HIVEP3: variants seen among roughly 807,000 people sequenced by gnomAD.
The protein encoded by HIVEP3 is HIVEP zinc finger 3.
HIVEP3 carries 49 observed loss-of-function variants against 152.8 expected under a neutral mutation model. The observed-to-expected ratio is 0.32, with a 90% CI of 0.26 to 0.41. The LOEUF is 0.41. HIVEP3 is among the 10% of genes least tolerant of loss of function. The probability of loss-of-function intolerance (pLI) is 1.00; values close to 1 mark genes in which losing one functional copy is unlikely to be tolerated. For synonymous variants in HIVEP3, 1,269 were observed against 1,289.0 expected, an observed-to-expected ratio of 0.98 and a Z score of 0.33; for missense variants, 2,790 against 3,103.3, an observed-to-expected ratio of 0.90 and a Z score of 2.40.
At chr1:41,922,630 T>C (rs1315892217), upstream of HIVEP3, among the ~76,000 whole-genome samples, 1 of 152,194 alleles carries the variant, frequency 6.6e-6, no homozygotes, top group Non-Finnish European at 1.5e-5. Context: ...TAAAATTTAA[T>C]TGTTAGAAGT....
At chr1:41,628,233 T>C (rs1645145136) in intron 3 of HIVEP3, among the ~76,000 whole-genome samples, 1 of 152,128 alleles carries the variant, frequency 6.6e-6, no homozygotes, top group Non-Finnish European at 1.5e-5. Flanking sequence ...TCTTCACAAC[T>C]TGGGGGCAGG....
intron 1 of HIVEP3, among the ~76,000 whole-genome samples, chr1:41,771,871 T>C (rs1471525505): frequency 2.0e-5 from 3 of 152,120 alleles, no homozygotes; most frequent in Non-Finnish European, 4.4e-5. Flanking sequence ...TTCACCGTGT[T>C]AGCCAGGCTG....
Position 41,513,551 on chromosome 1 carries a change from C to T in HIVEP3, c.5670G>A (p.Leu1890=). The T allele has an allele frequency of 6.2e-7, 1 of 1,610,650 alleles. No homozygotes were observed. The change falls in exon 8 of 9, where the codon CTG becomes CTA. Residue 1890 remains leucine (L), a synonymous_variant. Coordinates refer to ENST00000372583, the MANE Select transcript of HIVEP3 (RefSeq NM_024503.5). ...CCAGGATGGGTGAGGAGTCTGCCCG[C>T]AGTGCATGTGGTGGGCCAGGCGGGG... ...EAPPPGPPHA[L]RADSSPILGP...
intron 1 of HIVEP3, among the ~76,000 whole-genome samples, chr1:41,964,073 C>A (rs1645184138): frequency 6.6e-6 from 1 of 152,170 alleles, no homozygotes; most frequent in Non-Finnish European, 1.5e-5. Flanking sequence ...AAGGTTTCTG[C>A]AAATGTAGTT....
chr1:41,730,773 C>A (rs1367153643), intron 1 of HIVEP3, among the ~76,000 whole-genome samples: 4 of 152,200 alleles, frequency 2.6e-5, no homozygotes, highest in Non-Finnish European at 5.9e-5. Flanking sequence ...GCAGCATGGG[C>A]AGGAAGCCAG....
rs539074209 is a variant in HIVEP3, at chr1:41,528,286, C to T, written c.5208-3376G>A. Among the ~76,000 whole-genome samples the T allele has an allele frequency of 3.1e-4, 40 of 130,966 alleles. 1 individual carries two copies. The highest frequency in any genetic ancestry group is 1.1e-3 in the African/African-American group (39 of 34,356). The allele number at this position is 130,966 out of a possible 152,430, so 85.9% of individuals were successfully genotyped here. On this transcript the variant is annotated intron_variant, in intron 5 of 8. Transcript: ENST00000372583. ...CACCCTCACACACCCTCACATACAC[C>T]CCCACACTCACCCTCACACTCACCT...
At chr1:41,942,740 G>A (rs1645052026) in intron 1 of HIVEP3, among the ~76,000 whole-genome samples, 1 of 152,030 alleles carries the variant, frequency 6.6e-6, no homozygotes, top group Non-Finnish European at 1.5e-5. Context: ...ATAAAACTGA[G>A]AATTATATGA....
At chr1:41,969,354 A>C (rs1645216510) in intron 1 of HIVEP3, among the ~76,000 whole-genome samples, 1 of 152,226 alleles carries the variant, frequency 6.6e-6, no homozygotes, top group Non-Finnish European at 1.5e-5. Context: ...ACTGGTACAA[A>C]ATAGACACAT....
intron 1 of HIVEP3, among the ~76,000 whole-genome samples, chr1:41,977,705 T>A (rs1645268199): frequency 6.6e-6 from 1 of 152,334 alleles, no homozygotes; most frequent in Non-Finnish European, 1.5e-5. Context: ...GAGGACCAGA[T>A]GCTGTGAGAC....
At position 41,678,538 on chromosome 1, in the gene HIVEP3, T is replaced by G. The variant is rs1645991595; in HGVS notation, c.-721+22378A>C. Among the ~76,000 whole-genome samples, 5 of 151,398 alleles carry G rather than the reference T, an allele frequency of 3.3e-5. 1 individual carries two copies. Among genetic ancestry groups the G allele is most frequent in the Admixed American group, 3.3e-4 (5 of 15,238 alleles). ...CCCAGGGGTGGCCTCCGGCTCGCGC[T>G]CCTCTCCACCCACACACCTCTTCCC... On this transcript the variant is annotated intron_variant, in intron 2 of 8. Coordinates refer to ENST00000372583, the MANE Select transcript of HIVEP3 (RefSeq NM_024503.5).
chr1:41,919,049 A>G (rs548739525), upstream of HIVEP3, among the ~76,000 whole-genome samples: 2 of 152,342 alleles, frequency 1.3e-5, no homozygotes, highest in South Asian at 2.1e-4. Context: ...ACACAGTGAT[A>G]AGGATTTCAT....
intron 1 of HIVEP3, among the ~76,000 whole-genome samples, chr1:41,764,438 A>G (rs750193): frequency 0.097 from 14,799 of 152,256 alleles, 919 homozygotes; most frequent in Middle Eastern, 0.19. Flanking sequence ...GCATGAGGAC[A>G]GGAGAAGCGA....
chr1:41,850,771 G>A (rs1355270077), intron 1 of HIVEP3, among the ~76,000 whole-genome samples: 3 of 152,242 alleles, frequency 2.0e-5, no homozygotes, highest in Non-Finnish European at 4.4e-5. Context: ...CATAGCACAC[G>A]TGGAGGGTTC....
At chr1:41,656,389 A>G (rs950181334) in intron 2 of HIVEP3, among the ~76,000 whole-genome samples, 2 of 152,230 alleles carry the variant, frequency 1.3e-5, no homozygotes, top group African/African-American at 4.8e-5. Flanking sequence ...GACACACAGT[A>G]GTTAGTGGCA....
In HIVEP3 at chr1:41,513,225, G is replaced by T. The variant is rs141921424; in HGVS notation, c.5996C>A (p.Pro1999Gln). 2.5e-6 allele frequency: 4 copies of T among 1,613,680 alleles called. No homozygotes were observed. The East Asian group carries it at 8.9e-5, about 36-fold the overall frequency. The change falls in exon 8 of 9, where the codon CCG (proline) becomes CAG (glutamine). Residue 1999 changes from proline (P) to glutamine (Q), a missense_variant. By Grantham distance (76) the Pro-to-Gln change is moderately conservative (BLOSUM62 -1). Coordinates refer to ENST00000372583, the MANE Select transcript of HIVEP3 (RefSeq NM_024503.5). The part of the protein sequence containing the change: ...KNDSSPQRCS[P>Q]AREPQASAPS... ...GGCTGAGGCCTGTGGTTCTCGGGCC[G>T]GGGAGCATCGCTGGGGAGATGAGTC...
intron 1 of HIVEP3, among the ~76,000 whole-genome samples, chr1:41,886,208 T>G (rs1302855695): frequency 2.0e-5 from 3 of 152,110 alleles, no homozygotes; most frequent in Non-Finnish European, 2.9e-5. Context: ...GGATCCAGCA[T>G]AAGGGAAAGT....
At chr1:41,915,483 T>C (rs540504580) in intron 1 of HIVEP3, among the ~76,000 whole-genome samples, 41 of 152,352 alleles carry the variant, frequency 2.7e-4, no homozygotes, top group African/African-American at 8.2e-4. Context: ...CTAGGTGCAT[T>C]TGACAAACTA....
intron 1 of HIVEP3, among the ~76,000 whole-genome samples, chr1:41,761,829 T>C (rs1647702719): frequency 6.6e-6 from 1 of 152,218 alleles, no homozygotes; most frequent in Non-Finnish European, 1.5e-5. Context: ...TGAGTGGATA[T>C]GATAATGGCA....
intron 1 of HIVEP3, among the ~76,000 whole-genome samples, chr1:41,998,685 G>C (rs1479986980): frequency 6.6e-6 from 1 of 151,754 alleles, no homozygotes; most frequent in Non-Finnish European, 1.5e-5. Context: ...CCTTATTTGA[G>C]GTCTATTAAC....
Sources: allele counts gnomAD v4.1 joint callset (sites outside exome capture counted in the v4.1 genomes callset), GRCh38; gene constraint gnomAD v4.1.1; transcripts MANE v1.5; gene names NCBI Gene and HGNC (gene_info 2026-07-23, HGNC 2026-07-21).